The following BLOC1S3 variants were observed in gnomAD, a reference collection of about 807,000 sequenced individuals.
BLOC1S3 encodes the protein biogenesis of lysosome-related organelles complex 1 subunit 3.
In BLOC1S3, 7 loss-of-function variants were observed where a neutral mutation model predicts 9.1. That is an observed-to-expected ratio of 0.77 (90% CI 0.44 to 1.45). The LOEUF (loss-of-function observed/expected upper bound fraction) is 1.45, where lower values mean the gene tolerates loss of function less well. BLOC1S3 is among the 40% of genes most tolerant of loss of function. BLOC1S3 has a pLI of 0.01. For synonymous variants in BLOC1S3, 145 were observed against 158.4 expected (o/e 0.92, Z 0.64); for missense variants, 307 against 315.2 (o/e 0.97, Z 0.20).
upstream of BLOC1S3, among the ~76,000 whole-genome samples, chr19:45,186,960 T>C (rs539863944): frequency 6.6e-6 from 1 of 152,300 alleles, no homozygotes; most frequent in East Asian, 1.9e-4. Context: ...TATAGCAACA[T>C]TGTATAACAG....
chr19:45,188,419 C>T (rs996677651), intron 2 of BLOC1S3, among the ~76,000 whole-genome samples: 2 of 152,110 alleles, frequency 1.3e-5, no homozygotes, highest in Admixed American at 1.3e-4. Context: ...AAGCAGTCCC[C>T]CATCTCAGCC....
intron 3 of BLOC1S3, chr19:45,213,435 T>C (rs1257493073): frequency 4.9e-5 from 76 of 1,551,330 alleles, no homozygotes; most frequent in Non-Finnish European, 6.2e-5. Flanking sequence ...GGACCCCACC[T>C]GACCCCCTCA....
intron 3 of BLOC1S3, among the ~76,000 whole-genome samples, chr19:45,205,922 G>A (rs923621553): frequency 3.9e-5 from 6 of 152,242 alleles, no homozygotes; most frequent in East Asian, 1.9e-4. Context: ...TTAGAGAAAC[G>A]CAAATGAAAA....
intron 3 of BLOC1S3, among the ~76,000 whole-genome samples, chr19:45,208,207 C>T (rs62118501): frequency 6.5e-4 from 98 of 151,442 alleles, no homozygotes; most frequent in Non-Finnish European, 1.1e-3. Context: ...CTCCTGATCT[C>T]GTGATCTGCC....
At chr19:45,213,189 G>C in intron 3 of BLOC1S3, 1 of 1,607,022 alleles carries the variant, frequency 6.2e-7, no homozygotes, top group Non-Finnish European at 8.5e-7. Context: ...GGCTGAGACA[G>C]AAAGATGGGC....
At chr19:45,204,540 T>C in intron 3 of BLOC1S3, among the ~76,000 whole-genome samples, 1 of 152,070 alleles carries the variant, frequency 6.6e-6, no homozygotes, top group East Asian at 1.9e-4. Flanking sequence ...TGCATTCAGA[T>C]GGCAGCTGGG....
At chr19:45,184,458 T>G (rs541077290), downstream of BLOC1S3, among the ~76,000 whole-genome samples, 2 of 152,124 alleles carry the variant, frequency 1.3e-5, no homozygotes, top group African/African-American at 4.8e-5. Context: ...ATACAAAAAC[T>G]AGCTGAGCGT....
At chr19:45,202,075 T>C (rs1969695330) in intron 2 of BLOC1S3, among the ~76,000 whole-genome samples, 3 of 151,272 alleles carry the variant, frequency 2.0e-5, no homozygotes, top group South Asian at 4.2e-4. Context: ...CTACAAAAAA[T>C]TAGCTGGGCG....
At chr19:45,195,577 CCCTCCCTCTCTCCCTT>C (rs1969641937) in intron 2 of BLOC1S3, among the ~76,000 whole-genome samples, 1 of 142,128 alleles carries the variant, frequency 7.0e-6, no homozygotes, top group Non-Finnish European at 1.6e-5. Context: ...CTCCCTCCCT[CCCTCCCTCTCTCCCTT>C]CCTCCCTCCT....
intron 3 of BLOC1S3, among the ~76,000 whole-genome samples, chr19:45,210,278 T>C (rs1054953231): frequency 4.9e-4 from 74 of 150,364 alleles, no homozygotes; most frequent in African/African-American, 1.8e-3. Flanking sequence ...ACATAAAATT[T>C]ACTATTTTAA....
downstream of BLOC1S3, among the ~76,000 whole-genome samples, chr19:45,184,497 T>C (rs1712330146): frequency 6.6e-6 from 1 of 152,040 alleles, no homozygotes; most frequent in African/African-American, 2.4e-5. Context: ...TCCCAGCTAC[T>C]CGTGAGGCTG....
chr19:45,187,160 G>A (rs1969571393), upstream of BLOC1S3, among the ~76,000 whole-genome samples: 1 of 151,978 alleles, frequency 6.6e-6, no homozygotes, highest in Admixed American at 6.6e-5. Flanking sequence ...AGGGGTCAGG[G>A]TCAGGGTCAG....
chr19:45,210,530 C>T (rs1434881545), intron 3 of BLOC1S3, among the ~76,000 whole-genome samples: 1 of 151,334 alleles, frequency 6.6e-6, no homozygotes, highest in Non-Finnish European at 1.5e-5. Flanking sequence ...AACTCCTGAC[C>T]TCACATGATC....
At chr19:45,204,492 C>G (rs534387874) in intron 3 of BLOC1S3, among the ~76,000 whole-genome samples, 1 of 151,968 alleles carries the variant, frequency 6.6e-6, no homozygotes, top group South Asian at 2.1e-4. Context: ...TGCACCCTGC[C>G]AAATGAGCCA....
At chr19:45,196,416 C>T (rs1309106824) in intron 2 of BLOC1S3, among the ~76,000 whole-genome samples, 1 of 151,870 alleles carries the variant, frequency 6.6e-6, no homozygotes, top group Non-Finnish European at 1.5e-5. Context: ...CCAGGTGAGG[C>T]TGAGCTAGGA....
intron 3 of BLOC1S3, among the ~76,000 whole-genome samples, chr19:45,214,421 T>C (rs1282543894): frequency 1.3e-5 from 2 of 152,146 alleles, no homozygotes; most frequent in African/African-American, 4.8e-5. Flanking sequence ...CACATGGTGG[T>C]GTGGTGTGCT....
At position 45,179,350 on chromosome 19, in the gene BLOC1S3, G is replaced by T; in HGVS notation, c.54G>T (p.Val18=). 1 of 1,586,740 alleles carries T rather than the reference G, an allele frequency of 6.3e-7. No homozygotes were observed. Among genetic ancestry groups the T allele is most frequent in the African/African-American group, 1.4e-5 (1 of 73,490 alleles). Residue 18 remains valine, a synonymous_variant, in exon 2 of 2, where the codon GTG becomes GTT. Transcript: ENST00000433642. This position sits in a 1 kb window ranked among gnomAD's most constrained non-coding sequence, Gnocchi z 4.6. ...CCCTGCGGAGGCCGGAGACGGTGGTGCCGGGGGAGGCGACCGAGACGGATT... is the reference window on the plus strand; with the variant it reads ...CCCTGCGGAGGCCGGAGACGGTGGTTCCGGGGGAGGCGACCGAGACGGATT... ...RRPLRRPETV[V]PGEATETDSE...
At chr19:45,211,754 G>A (rs953908730) in intron 3 of BLOC1S3, among the ~76,000 whole-genome samples, 2 of 150,700 alleles carry the variant, frequency 1.3e-5, no homozygotes, top group Non-Finnish European at 3.0e-5. Context: ...TCCAAACCCA[G>A]CCCCAGTGCT....
intron 3 of BLOC1S3, among the ~76,000 whole-genome samples, chr19:45,215,895 G>T (rs902755359): frequency 6.6e-6 from 1 of 152,288 alleles, no homozygotes; most frequent in East Asian, 1.9e-4. Context: ...AGGCAGCAGC[G>T]GCGGCAGGAG....
Sources: gnomAD v4.1 joint callset for allele counts (sites outside exome capture counted in the v4.1 genomes callset) on GRCh38, gnomAD v4.1.1 for gene constraint, Gnocchi (gnomAD v3.1) non-coding constraint, MANE v1.5 for transcripts, NCBI Gene and HGNC (gene_info 2026-07-23, HGNC 2026-07-21) for gene names.